Variants in SHISA9 observed in about 807,000 individuals in gnomAD.
SHISA9 encodes the protein shisa family member 9.
A neutral mutation model predicts 38.0 loss-of-function variants in SHISA9; 13 were observed. That is an observed-to-expected ratio of 0.34 (90% CI 0.22 to 0.54). The LOEUF is 0.54. Ranked by LOEUF, SHISA9 falls within the 20% of genes least tolerant of loss-of-function variation. The pLI, the probability that SHISA9 is intolerant of heterozygous loss-of-function variation, is 0.91. For missense variants in SHISA9, 538 were observed against 575.8 expected, an observed-to-expected ratio of 0.93 and a Z score of 0.67; for synonymous variants, 275 against 242.0, an observed-to-expected ratio of 1.14 and a Z score of -1.27.
At chr16:13,084,515 A>G (rs1465659129) in intron 2 of SHISA9, among the ~76,000 whole-genome samples, 1 of 152,222 alleles carries the variant, frequency 6.6e-6, no homozygotes, top group Non-Finnish European at 1.5e-5. Flanking sequence ...CATTTACTTG[A>G]CAAATATTTA....
intron 2 of SHISA9, among the ~76,000 whole-genome samples, chr16:13,171,629 C>T (rs549784769): frequency 2.6e-5 from 4 of 151,238 alleles, no homozygotes; most frequent in South Asian, 2.1e-4. Context: ...GAACAAAGAG[C>T]ATTTGGGGAA....
At chr16:12,985,094 G>A (rs2072289561) in intron 2 of SHISA9, among the ~76,000 whole-genome samples, 1 of 152,070 alleles carries the variant, frequency 6.6e-6, no homozygotes. Context: ...TACATGAATT[G>A]CACATTAATC....
intron 2 of SHISA9, among the ~76,000 whole-genome samples, chr16:12,957,226 C>G (rs1391026777): frequency 6.6e-6 from 1 of 152,194 alleles, no homozygotes; most frequent in Admixed American, 6.5e-5. Context: ...TTCTTTTAGC[C>G]TCTTTTGAAC....
the SHISA9 span, among the ~76,000 whole-genome samples, chr16:13,365,808 C>T: frequency 2.3e-3 from 352 of 152,150 alleles, no homozygotes; most frequent in African/African-American, 8.0e-3. Flanking sequence ...CAAACATATT[C>T]GGAACACCAA....
At chr16:13,137,161 CCTT>C (rs1181447872) in intron 2 of SHISA9, among the ~76,000 whole-genome samples, 2 of 152,128 alleles carry the variant, frequency 1.3e-5, no homozygotes, top group Admixed American at 6.6e-5. Context: ...ACAATCCTAA[CCTT>C]CTGTATCTGG....
chr16:13,556,577 G>C, the SHISA9 span, among the ~76,000 whole-genome samples: 1 of 151,900 alleles, frequency 6.6e-6, no homozygotes, highest in East Asian at 1.9e-4. Context: ...GCAGGAGAAT[G>C]GCGTGAACCC....
chr16:12,960,056 G>A (rs531879674), intron 2 of SHISA9, among the ~76,000 whole-genome samples: 69 of 152,266 alleles, frequency 4.5e-4, no homozygotes, highest in Admixed American at 2.2e-3. Flanking sequence ...CTTATAAATA[G>A]GTCAAAACAG....
the SHISA9 span, among the ~76,000 whole-genome samples, chr16:13,467,226 T>A: frequency 1.3e-5 from 2 of 152,040 alleles, no homozygotes; most frequent in Non-Finnish European, 2.9e-5. Context: ...AGACTCGCCT[T>A]CTATGTGGGG....
intron 4 of SHISA9, among the ~76,000 whole-genome samples, chr16:13,224,954 T>C (rs2051264620): frequency 6.6e-6 from 1 of 152,148 alleles, no homozygotes; most frequent in Non-Finnish European, 1.5e-5. Context: ...TAAATCCTTG[T>C]CCATTCAGAA....
intron 2 of SHISA9, among the ~76,000 whole-genome samples, chr16:12,973,449 C>A (rs1247235607): frequency 6.6e-6 from 1 of 152,156 alleles, no homozygotes; most frequent in African/African-American, 2.4e-5. Context: ...ACAGACTACG[C>A]TAGTTAATTC....
intron 2 of SHISA9, among the ~76,000 whole-genome samples, chr16:13,172,536 G>T (rs899256547): frequency 5.3e-5 from 8 of 152,144 alleles, no homozygotes; most frequent in African/African-American, 1.9e-4. Flanking sequence ...TCCTCTCTGT[G>T]TCACCATCTA....
chr16:13,190,276 T>C (rs2142040347), intron 2 of SHISA9, among the ~76,000 whole-genome samples: 1 of 133,002 alleles, frequency 7.5e-6, no homozygotes, highest in Admixed American at 8.5e-5. Flanking sequence ...TTCCCCTTCC[T>C]GTGTCCATGT....
At position 13,019,872 on chromosome 16, in the gene SHISA9, C is replaced by T. The variant is rs1436821674; in HGVS notation, c.691+103057C>T. Among the ~76,000 whole-genome samples, 19 of 34,652 alleles carry T rather than the reference C, an allele frequency of 5.5e-4. 1 individual carries two copies. The highest frequency in any genetic ancestry group is 1.4e-3 in the African/African-American group (10 of 7,344). The allele number at this position is 34,652 out of a possible 152,430, so 22.7% of individuals were successfully genotyped here. On this transcript the variant is annotated intron_variant, in intron 2 of 4. Transcript: ENST00000558583. ...CCTCCCTCCCTCCCTCCCTCCCTCC[C>T]TCCCTCCCTCCCTTCTTTCTTTCTT...
chr16:12,909,186 G>T, intron 1 of SHISA9: 22 of 985,596 alleles, frequency 2.2e-5, no homozygotes, highest in Non-Finnish European at 2.6e-5. Context: ...CTTCTCTTTG[G>T]GCACTGAGTC....
the SHISA9 span, among the ~76,000 whole-genome samples, chr16:13,416,661 A>T: frequency 6.6e-6 from 1 of 151,860 alleles, no homozygotes; most frequent in Non-Finnish European, 1.5e-5. Context: ...GCACTGAGCG[A>T]TGGTAACACC....
chr16:13,120,369 C>T (rs1046244845), intron 2 of SHISA9, among the ~76,000 whole-genome samples: 6 of 152,134 alleles, frequency 3.9e-5, no homozygotes, highest in Non-Finnish European at 8.8e-5. Context: ...GCACAGCAAA[C>T]ATCTGTTCCT....
chr16:13,107,468 AACAGACACACACAC>A (rs1567214349), intron 2 of SHISA9, among the ~76,000 whole-genome samples: 17 of 97,992 alleles, frequency 1.7e-4, no homozygotes, highest in African/African-American at 7.0e-4. Flanking sequence ...ACAAAAAAAC[AACAGACACACACAC>A]ACACACACAC....
At chr16:13,534,847 T>C in the SHISA9 span, among the ~76,000 whole-genome samples, 1 of 152,154 alleles carries the variant, frequency 6.6e-6, no homozygotes, top group Non-Finnish European at 1.5e-5. Context: ...ATCTTTGCCT[T>C]CTAAAATCTT....
chr16:13,244,505 C>T (rs1421295642), downstream of SHISA9, among the ~76,000 whole-genome samples: 1 of 152,088 alleles, frequency 6.6e-6, no homozygotes, highest in Admixed American at 6.6e-5. Flanking sequence ...ATAAGATTTT[C>T]TTTTTTCTAG....
Sources: gnomAD v4.1 joint callset for allele counts (sites outside exome capture counted in the v4.1 genomes callset) on GRCh38, gnomAD v4.1.1 for gene constraint, MANE v1.5 for transcripts, NCBI Gene and HGNC (gene_info 2026-07-23, HGNC 2026-07-21) for gene names.